Variants in PLEKHM3 observed in about 807,000 individuals in gnomAD.
The protein encoded by PLEKHM3 is pleckstrin homology domain containing M3.
PLEKHM3 carries 45 observed loss-of-function variants against 81.8 expected under a neutral mutation model. The ratio of observed to expected loss-of-function variants is 0.55; its 90% CI spans 0.43 to 0.71. The LOEUF (loss-of-function observed/expected upper bound fraction) is 0.71, where lower values mean the gene tolerates loss of function less well. Among genes scored for constraint, PLEKHM3 ranks in the 30% least tolerant of loss-of-function variants. The pLI is 0.00. For missense variants in PLEKHM3, 788 were observed against 924.3 expected, an observed-to-expected ratio of 0.85 and a Z score of 1.91; for synonymous variants, 352 against 356.4, an observed-to-expected ratio of 0.99 and a Z score of 0.14.
At chr2:207,936,011 C>A (rs1026284886) in intron 4 of PLEKHM3, among the ~76,000 whole-genome samples, 1 of 152,164 alleles carries the variant, frequency 6.6e-6, no homozygotes, top group Non-Finnish European at 1.5e-5. Context: ...CAAGGTTTTG[C>A]TCTGTTACCC....
Position 207,931,044 on chromosome 2 carries a change from T to C in PLEKHM3, c.1768A>G (p.Met590Val). The change falls in exon 5 of 8, where the codon ATG becomes GTG. Residue 590 changes from methionine to valine, a missense_variant. Transcript: ENST00000427836. ...AGCGGCTCTGCGTGGTGGTACAGCATGGCGTTCTCCTGCTGGATGTCGATG... is the reference window on the plus strand; with the variant it reads ...AGCGGCTCTGCGTGGTGGTACAGCACGGCGTTCTCCTGCTGGATGTCGATG... ...PLIDIQQENAMLYHHAEPLAA... is the reference protein window; with the variant it reads ...PLIDIQQENAVLYHHAEPLAA... 2 of 1,614,080 alleles carry C rather than the reference T, an allele frequency of 1.2e-6. No homozygotes were observed. The highest frequency in any genetic ancestry group is 1.7e-6 in the Non-Finnish European group (2 of 1,179,954).
At chr2:207,949,767 A>G (rs1462882549) in intron 3 of PLEKHM3, among the ~76,000 whole-genome samples, 1 of 152,204 alleles carries the variant, frequency 6.6e-6, no homozygotes, top group African/African-American at 2.4e-5. Flanking sequence ...AATTCTCACC[A>G]AAGAACACTA....
chr2:207,858,168 G>T (rs1024077882), intron 7 of PLEKHM3, among the ~76,000 whole-genome samples: 2 of 106,416 alleles, frequency 1.9e-5, no homozygotes, highest in Non-Finnish European at 4.1e-5. Context: ...GTGTGTGTGT[G>T]TGTGTGTATA....
At chr2:207,861,365 C>G (rs1433835351) in intron 6 of PLEKHM3, 103 bp from the exon 7 acceptor site, 25 of 1,243,498 alleles carry the variant, frequency 2.0e-5, no homozygotes, top group Non-Finnish European at 2.6e-5. Flanking sequence ...AACAGGAAAA[C>G]CTCTAATTAT....
chr2:208,017,056 G>A (rs1428405099), intron 1 of PLEKHM3, among the ~76,000 whole-genome samples: 2 of 152,178 alleles, frequency 1.3e-5, no homozygotes, highest in African/African-American at 4.8e-5. Flanking sequence ...ATTTGGTGGA[G>A]TCAATGTAGT....
Position 207,855,355 on chromosome 2 carries a change from G to A in PLEKHM3, c.2108+5750C>T, listed in dbSNP as rs148261796. Reference sequence around the variant, plus strand: ...GAACAATAAAATATAGTACTGGGCTGTAACCCAAAGTACAAATGAACTATG... The same window carrying A: ...GAACAATAAAATATAGTACTGGGCTATAACCCAAAGTACAAATGAACTATG... On this transcript the variant is annotated intron_variant, in intron 7 of 7. Transcript: ENST00000427836. Among the ~76,000 whole-genome samples, 166 of 152,242 alleles carry A rather than the reference G, an allele frequency of 1.1e-3. 1 individual carries two copies. Among genetic ancestry groups the A allele is most frequent in the African/African-American group, 3.8e-3 (159 of 41,522 alleles).
rs1553555086 is a variant in PLEKHM3, at chr2:207,923,904, TA to T, written c.1886+7021del. Among the ~76,000 whole-genome samples, 163 of 83,690 alleles carry T rather than the reference TA, an allele frequency of 1.9e-3. 1 individual carries two copies. The highest frequency in any genetic ancestry group is 5.6e-3 in the African/African-American group (98 of 17,574). The allele number at this position is 83,690 out of a possible 152,430, so 54.9% of individuals were successfully genotyped here. A position where few individuals can be genotyped will look rare whatever the true frequency, so the allele number is the denominator to read the frequency against. On this transcript the variant is annotated intron_variant, in intron 5 of 7. Transcript: ENST00000427836. ...ACATATATATATATATATATATATA[TA>T]TTTTTTTTTTTTTTTTTTTCTGAGG...
At chr2:207,992,073 G>C (rs1316223251) in intron 2 of PLEKHM3, among the ~76,000 whole-genome samples, 1 of 152,224 alleles carries the variant, frequency 6.6e-6, no homozygotes, top group South Asian at 2.1e-4. Flanking sequence ...ATACCACAAA[G>C]TGGGCAAGTT....
chr2:208,000,524 T>C (rs1410605914), intron 2 of PLEKHM3, among the ~76,000 whole-genome samples: 1 of 152,180 alleles, frequency 6.6e-6, no homozygotes, highest in African/African-American at 2.4e-5. Flanking sequence ...CTATTGTCTC[T>C]CATTACCGAG....
intron 7 of PLEKHM3, among the ~76,000 whole-genome samples, chr2:207,849,500 A>T (rs1203433341): frequency 6.6e-6 from 1 of 152,174 alleles, no homozygotes; most frequent in Non-Finnish European, 1.5e-5. Flanking sequence ...ACTGGCAAGC[A>T]ATGTCCAGCC....
chr2:207,929,184 G>A (rs913706129), intron 5 of PLEKHM3, among the ~76,000 whole-genome samples: 3 of 152,320 alleles, frequency 2.0e-5, no homozygotes, highest in African/African-American at 7.2e-5. Flanking sequence ...GAAAAATGCT[G>A]TCTTCATTCT....
In PLEKHM3 at chr2:207,841,466, AAAAAAAAAAAAAAAATATATATAT is replaced by A. The variant is rs1266010480; in HGVS notation, c.2109-12994_2109-12971del. On this transcript the variant is annotated intron_variant, in intron 7 of 7. Transcript: ENST00000427836. ...TCCATCTCAAAAAAAAAAAAAAAAA[AAAAAAAAAAAAAAAATATATATAT>A]ATATATATATATATATATTCACCAC... Among the ~76,000 whole-genome samples, 42 of 69,212 alleles carry A rather than the reference AAAAAAAAAAAAAAAATATATATAT, an allele frequency of 6.1e-4. 4 individuals are homozygous for A. The highest frequency in any genetic ancestry group is 1.1e-3 in the East Asian group (4 of 3,596). 45.4% of individuals were successfully genotyped at this position (69,212 alleles called of 152,430 possible).
intron 1 of PLEKHM3, among the ~76,000 whole-genome samples, chr2:208,006,226 C>G (rs1309783101): frequency 6.6e-6 from 1 of 152,208 alleles, no homozygotes; most frequent in Non-Finnish European, 1.5e-5. Context: ...GTACAACAGT[C>G]TGATGTCAAG....
At chr2:207,910,428 A>G (rs924109115) in intron 5 of PLEKHM3, among the ~76,000 whole-genome samples, 1 of 152,218 alleles carries the variant, frequency 6.6e-6, no homozygotes, top group African/African-American at 2.4e-5. Context: ...TTGGCACTGG[A>G]GATACATCAT....
Position 207,828,237 on chromosome 2 carries a change from G to T in PLEKHM3, c.*82C>A. 7.3e-7 allele frequency: 1 copy of T among 1,366,158 alleles called. No homozygotes were observed. Among genetic ancestry groups the T allele is most frequent in the Non-Finnish European group, 1.0e-6 (1 of 992,156 alleles). 84.6% of individuals were successfully genotyped at this position (1,366,158 alleles called of 1,614,324 possible). A position where few individuals can be genotyped will look rare whatever the true frequency, so the allele number is the denominator to read the frequency against. ...AGGATACATACTCTTCTTCCAAAGG[G>T]GTCTAACTGGCTAGTTAGGAGGCCG... On this transcript the variant is annotated 3_prime_UTR_variant, in exon 8 of 8. Transcript: ENST00000427836.
chr2:207,992,839 C>G (rs1326631193), intron 2 of PLEKHM3, among the ~76,000 whole-genome samples: 1 of 151,894 alleles, frequency 6.6e-6, no homozygotes, highest in African/African-American at 2.4e-5. Flanking sequence ...GTGAAAAGGG[C>G]AGGGAAAGTA....
In PLEKHM3 at chr2:207,830,681, A is replaced by T. The variant is rs564424984; in HGVS notation, c.2109-2185T>A. On this transcript the variant is annotated intron_variant, in intron 7 of 7. Coordinates refer to ENST00000427836, the MANE Select transcript of PLEKHM3 (RefSeq NM_001080475.3). The stretch of plus-strand genomic sequence containing the variant: ...CCAAGCTCATAAGTGTCCTTAGAAG[A>T]AGGACACTTCTTCTAAGTGTCCTTA... Among the ~76,000 whole-genome samples, 114 of 143,854 alleles carry T rather than the reference A, an allele frequency of 7.9e-4. 1 individual carries two copies. The highest frequency in any genetic ancestry group is 3.7e-3 in the Middle Eastern group (1 of 272). The allele number at this position is 143,854 out of a possible 152,430, so 94.4% of individuals were successfully genotyped here. A position where few individuals can be genotyped will look rare whatever the true frequency, so the allele number is the denominator to read the frequency against.
chr2:207,930,976 T>G lies in PLEKHM3; in HGVS notation c.1836A>C (p.Arg612=). 1.9e-6 allele frequency: 3 copies of G among 1,613,722 alleles called. No individual in the cohort carries two copies. In the South Asian group the frequency reaches 3.3e-5, roughly 18 times the overall value. The change falls in exon 5 of 8, where the codon CGA becomes CGC. Residue 612 remains arginine (R), a synonymous_variant. Coordinates refer to ENST00000427836, the MANE Select transcript of PLEKHM3 (RefSeq NM_001080475.3). ...LRLRQRLKSL[R]AYLFSCRAAV... ...CTGCCCGGCAGCTGAACAAATAGGC[T>G]CGGAGCGACTTCAGCCGCTGCCGCA...
In PLEKHM3 at chr2:207,824,448, A is replaced by G. The variant is rs185793227; in HGVS notation, c.*3871T>C. ...GATCAACGGAGATGAATAATTGTGC[A>G]CAAATACACGAGCAACAGCATTGGC... On this transcript the variant is annotated 3_prime_UTR_variant, in exon 8 of 8. Transcript: ENST00000427836. 5.3e-5 allele frequency: 8 copies of G among 152,350 alleles called. No homozygotes were observed. In the East Asian group the frequency reaches 1.3e-3, roughly 26 times the overall value. The allele number at this position is 152,350 out of a possible 1,614,324, so 9.4% of individuals were successfully genotyped here.
Sources: allele counts gnomAD v4.1 joint callset (sites outside exome capture counted in the v4.1 genomes callset), GRCh38; gene constraint gnomAD v4.1.1; transcripts MANE v1.5; gene names NCBI Gene and HGNC (gene_info 2026-07-23, HGNC 2026-07-21).